MGME1: variants seen among roughly 807,000 people sequenced by gnomAD.
The protein encoded by MGME1 is mitochondrial genome maintenance exonuclease 1.
A neutral mutation model predicts 33.0 loss-of-function variants in MGME1; 22 were observed. That is an observed-to-expected ratio of 0.67 (90% CI 0.48 to 0.95). The LOEUF is 0.95. MGME1 is among the 40% of genes least tolerant of loss of function. The pLI is 0.00. For missense variants in MGME1, 383 were observed against 397.8 expected, an observed-to-expected ratio of 0.96 and a Z score of 0.32; for synonymous variants, 133 against 144.0, an observed-to-expected ratio of 0.92 and a Z score of 0.55.
intron 2 of MGME1, among the ~76,000 whole-genome samples, chr20:17,971,209 C>T (rs769973811): frequency 7.2e-5 from 11 of 152,174 alleles, no homozygotes; most frequent in Non-Finnish European, 1.3e-4. Flanking sequence ...TAAAACTATG[C>T]GTGTAACACA....
In MGME1 at chr20:17,975,684, A is replaced by G. The variant is rs1653117928; in HGVS notation, c.512A>G (p.Asn171Ser). The G allele has an allele frequency of 6.2e-7, 1 of 1,609,720 alleles. No homozygotes were observed. Among genetic ancestry groups the G allele is most frequent in the Non-Finnish European group, 8.5e-7 (1 of 1,176,914 alleles). The change falls in exon 3 of 5, where the codon AAC becomes AGC. Residue 171 changes from asparagine to serine, a missense_variant and splice_region_variant. Asn to Ser is a conservative substitution (Grantham distance 46). Coordinates refer to ENST00000377710, the MANE Select transcript of MGME1 (RefSeq NM_052865.4). ...CCCTTTTCCCTGATTTTCTTTTCAG[A>G]CGTCTTTTTACAAGGGAAACGGTTC... is the stretch of plus-strand genomic sequence containing the variant. ...GEDGFKEYTS[N>S]VFLQGKRFHE... is the part of the protein sequence containing the mutation.
chr20:17,988,737 G>A (rs1029635784), intron 4 of MGME1, among the ~76,000 whole-genome samples: 1 of 149,858 alleles, frequency 6.7e-6, no homozygotes, highest in African/African-American at 2.5e-5. Context: ...AGAACTCCTT[G>A]AGGTTTTTCC....
intron 4 of MGME1, 136 bp from the exon 5 acceptor site, chr20:17,989,803 A>G: frequency 1.4e-6 from 1 of 732,300 alleles, no homozygotes; most frequent in East Asian, 2.5e-5. Flanking sequence ...GTCTTTGATC[A>G]ACCTACCTTA....
chr20:17,978,270 T>C (rs889969874), intron 3 of MGME1, among the ~76,000 whole-genome samples: 1 of 152,192 alleles, frequency 6.6e-6, no homozygotes, highest in Non-Finnish European at 1.5e-5. Flanking sequence ...AATGGCGTGA[T>C]CTTGGCTCAC....
chr20:17,987,170 T>C (rs143196976), intron 3 of MGME1, among the ~76,000 whole-genome samples: 97 of 122,410 alleles, frequency 7.9e-4, no homozygotes, highest in African/African-American at 3.3e-3. Flanking sequence ...AGACTCCATC[T>C]AAAAAAAAAA....
In MGME1 at chr20:17,982,817, A is replaced by T. The variant is rs111624071; in HGVS notation, c.732-5349A>T. Among the ~76,000 whole-genome samples, 1,268 of 152,300 alleles carry T rather than the reference A, an allele frequency of 8.3e-3. 18 individuals carry two copies. The highest frequency in any genetic ancestry group is 0.029 in the African/African-American group (1,225 of 41,568). On this transcript the variant is annotated intron_variant, in intron 3 of 4. Coordinates refer to ENST00000377710, the MANE Select transcript of MGME1 (RefSeq NM_052865.4). ...ATTATATATATTTATAGGCTACAGTATGATATTTTGATATATGTATACCTA... is the reference window on the plus strand; with the variant it reads ...ATTATATATATTTATAGGCTACAGTTTGATATTTTGATATATGTATACCTA...
intron 4 of MGME1, among the ~76,000 whole-genome samples, chr20:17,989,572 G>A (rs980600146): frequency 6.0e-5 from 9 of 150,500 alleles, no homozygotes; most frequent in African/African-American, 1.7e-4. Flanking sequence ...AAAATCAGCC[G>A]GAAGTGGTGC....
At position 17,988,304 on chromosome 20, in the gene MGME1, G is replaced by A; in HGVS notation, c.864+6G>A. 1.9e-6 allele frequency: 3 copies of A among 1,611,376 alleles called. No homozygotes were observed. The highest frequency in any genetic ancestry group is 2.2e-5 in the South Asian group (2 of 90,554). The stretch of plus-strand genomic sequence containing the variant: ...ATACCAACTACAGCTTTCAGGTCAG[G>A]ACACTGAGCCTTTACTTAAAGCTTT... On this transcript the variant is annotated splice_donor_region_variant and intron_variant, in intron 4 of 4. Coordinates refer to ENST00000377710, the MANE Select transcript of MGME1 (RefSeq NM_052865.4).
intron 2 of MGME1, among the ~76,000 whole-genome samples, chr20:17,974,262 A>G (rs1356802281): frequency 6.6e-6 from 1 of 151,834 alleles, no homozygotes; most frequent in Non-Finnish European, 1.5e-5. Flanking sequence ...ACTGGGTTTT[A>G]CCATGTTGGC....
intron 4 of MGME1, among the ~76,000 whole-genome samples, chr20:17,989,388 C>CAAATAAAAAAAT (rs2036234839): frequency 7.0e-6 from 1 of 142,364 alleles, no homozygotes; most frequent in Admixed American, 7.0e-5. Context: ...TGTCTCTCTC[C>CAAATAAAAAAAT]AAATAAATAA....
intron 3 of MGME1, 114 bp downstream of exon 3, chr20:17,976,017 G>A (rs2122530261): frequency 1.2e-6 from 1 of 853,892 alleles, no homozygotes; most frequent in South Asian, 1.6e-5. Flanking sequence ...CTTTGTGCTA[G>A]GTAAAAGAAT....
upstream of MGME1, chr20:17,968,797 C>T (rs974979019): frequency 1.1e-5 from 3 of 271,234 alleles, no homozygotes; most frequent in South Asian, 5.9e-5. Context: ...AGAGAAAGAC[C>T]GCGTTTCGGT....
chr20:17,981,482 A>G (rs79180339), intron 3 of MGME1, among the ~76,000 whole-genome samples: 6 of 152,170 alleles, frequency 3.9e-5, no homozygotes, highest in African/African-American at 1.4e-4. Context: ...TATTCAGTAG[A>G]TGTTACATTA....
chr20:17,986,579 C>T (rs570341333), intron 3 of MGME1, among the ~76,000 whole-genome samples: 4 of 151,452 alleles, frequency 2.6e-5, no homozygotes, highest in East Asian at 3.9e-4. Context: ...AGGCTGGTCT[C>T]GGGCTCCTGA....
chr20:17,973,563 G>T (rs1378559130), intron 2 of MGME1, among the ~76,000 whole-genome samples: 1 of 151,982 alleles, frequency 6.6e-6, no homozygotes, highest in African/African-American at 2.4e-5. Flanking sequence ...GATTGCTTAA[G>T]GCCAGGTGTT....
chr20:17,977,903 G>A (rs1422256143), intron 3 of MGME1, among the ~76,000 whole-genome samples: 1 of 152,102 alleles, frequency 6.6e-6, no homozygotes, highest in East Asian at 1.9e-4. Flanking sequence ...ACAACCTGCA[G>A]GTACCCCTAA....
chr20:17,982,799 ATATT>A (rs1260511511), intron 3 of MGME1, among the ~76,000 whole-genome samples: 1 of 152,192 alleles, frequency 6.6e-6, no homozygotes, highest in East Asian at 1.9e-4. Context: ...ATAATTATAT[ATATT>A]TATAGGCTAC....
In MGME1 at chr20:17,970,084, T is replaced by G; in HGVS notation, c.225T>G (p.Asp75Glu). The change falls in exon 2 of 5, where the codon GAT becomes GAG. Residue 75 changes from aspartate (D) to glutamate (E), a missense_variant. Asp to Glu is a conservative substitution (Grantham distance 45). Transcript: ENST00000377710. ...AGACCCCGGGATCGGTGGAGGAAGA[T>G]GCTTTGCTCTGTGGACCCGTGAGCA... ...VAQTPGSVEEDALLCGPVSKH... is the reference protein window; with the variant it reads ...VAQTPGSVEEEALLCGPVSKH... 1 of 1,614,236 alleles carries G rather than the reference T, an allele frequency of 6.2e-7. No homozygotes were observed. Among genetic ancestry groups the G allele is most frequent in the South Asian group, 1.1e-5 (1 of 91,082 alleles).
At chr20:17,977,524 C>T (rs1253368313) in intron 3 of MGME1, among the ~76,000 whole-genome samples, 2 of 152,112 alleles carry the variant, frequency 1.3e-5, no homozygotes, top group Non-Finnish European at 2.9e-5. Context: ...AGAGGAGGAA[C>T]ACTTCCACCC....
Sources: gnomAD v4.1 joint callset for allele counts (sites outside exome capture counted in the v4.1 genomes callset) on GRCh38, gnomAD v4.1.1 for gene constraint, MANE v1.5 for transcripts, NCBI Gene and HGNC (gene_info 2026-07-23, HGNC 2026-07-21) for gene names.